Variants in SPRED1 observed in about 807,000 individuals in gnomAD.
SPRED1 encodes the protein sprouty-related, EVH1 domain-containing protein 1.
Under a neutral mutation model 52.3 loss-of-function variants are expected in SPRED1, and 18 were observed. The ratio of observed to expected loss-of-function variants is 0.34; its 90% CI spans 0.24 to 0.51. The LOEUF is 0.51. Among genes scored for constraint, SPRED1 ranks in the 20% least tolerant of loss-of-function variants. The probability of loss-of-function intolerance (pLI) is 0.97; values close to 1 mark genes in which losing one functional copy is unlikely to be tolerated. For missense variants in SPRED1, 485 were observed against 551.0 expected, an observed-to-expected ratio of 0.88 and a Z score of 1.20; for synonymous variants, 155 against 179.7, an observed-to-expected ratio of 0.86 and a Z score of 1.10.
At chr15:38,269,146 G>A (rs1402287408) in intron 1 of SPRED1, among the ~76,000 whole-genome samples, 2 of 152,144 alleles carry the variant, frequency 1.3e-5, no homozygotes, top group African/African-American at 4.8e-5. Context: ...TTCACCGTGT[G>A]TTAGCCAGGG....
chr15:38,258,891 A>T (rs769304360), intron 1 of SPRED1, among the ~76,000 whole-genome samples: 1 of 152,128 alleles, frequency 6.6e-6, no homozygotes, highest in Non-Finnish European at 1.5e-5. Flanking sequence ...TGAAATTGGG[A>T]GATGGATTTC....
chr15:38,315,540 C>T (rs1257749132), intron 2 of SPRED1, among the ~76,000 whole-genome samples: 2 of 151,876 alleles, frequency 1.3e-5, no homozygotes, highest in African/African-American at 4.8e-5. Flanking sequence ...AATAAGTCTT[C>T]AGAAGTTGTA....
At chr15:38,305,167 A>G (rs1246694910) in intron 2 of SPRED1, among the ~76,000 whole-genome samples, 1 of 151,528 alleles carries the variant, frequency 6.6e-6, no homozygotes, top group Non-Finnish European at 1.5e-5. Flanking sequence ...CACCTCTACT[A>G]AAAAAATACA....
chr15:38,310,696 T>G (rs1040267011), intron 2 of SPRED1, among the ~76,000 whole-genome samples: 9 of 152,240 alleles, frequency 5.9e-5, no homozygotes, highest in Non-Finnish European at 1.3e-4. Context: ...CTTATATGTT[T>G]TGTTAATTGT....
intron 1 of SPRED1, among the ~76,000 whole-genome samples, chr15:38,275,394 A>G (rs1401252824): frequency 6.6e-6 from 1 of 152,122 alleles, no homozygotes; most frequent in East Asian, 1.9e-4. Flanking sequence ...GAACCATCCC[A>G]TTACTTAAAG....
chr15:38,263,381 T>G (rs1406407281), intron 1 of SPRED1, among the ~76,000 whole-genome samples: 2 of 152,150 alleles, frequency 1.3e-5, no homozygotes, highest in Non-Finnish European at 2.9e-5. Context: ...AGAGTTATAG[T>G]GACATCTTCA....
chr15:38,255,057 T>G (rs1255284130), intron 1 of SPRED1, among the ~76,000 whole-genome samples: 1 of 152,202 alleles, frequency 6.6e-6, no homozygotes, highest in East Asian at 1.9e-4. Flanking sequence ...AAAAAGCAGA[T>G]GATGGAATGT....
chr15:38,351,185 G>C lies in SPRED1; in HGVS notation c.856G>C (p.Asp286His). Residue 286 changes from aspartate to histidine, a missense_variant, in exon 7 of 7, where the codon GAC becomes CAC. This residue lies in a region of SPRED1 where 205 missense variants were observed against 245.2 expected (regional missense o/e 0.84). Coordinates refer to ENST00000299084, the MANE Select transcript of SPRED1 (RefSeq NM_152594.3). Reference protein sequence around the residue: ...ADSSIQFSKPDSKKSDYLYSC... With the variant: ...ADSSIQFSKPHSKKSDYLYSC... The stretch of plus-strand genomic sequence containing the variant: ...TTCCAGTATTCAGTTTTCTAAACCA[G>C]ACAGTAAAAAATCAGACTATCTGTA... The C allele has an allele frequency of 1.2e-6, 2 of 1,614,090 alleles. No homozygotes were observed. The highest frequency in any genetic ancestry group is 1.7e-6 in the Non-Finnish European group (2 of 1,180,014).
chr15:38,299,195 G>A, intron 1 of SPRED1, 178 bp from the exon 2 acceptor site: 4 of 703,038 alleles, frequency 5.7e-6, no homozygotes, highest in East Asian at 5.1e-5. Context: ...CTTAAAGTCT[G>A]TTTTTGGTTT....
At chr15:38,260,180 G>C (rs549669019) in intron 1 of SPRED1, among the ~76,000 whole-genome samples, 1 of 152,312 alleles carries the variant, frequency 6.6e-6, no homozygotes, top group African/African-American at 2.4e-5. Context: ...AATTACTAAA[G>C]GTCCAAAATC....
intron 1 of SPRED1, among the ~76,000 whole-genome samples, chr15:38,260,810 A>G (rs2140948965): frequency 6.6e-6 from 1 of 152,320 alleles, no homozygotes; most frequent in East Asian, 1.9e-4. Flanking sequence ...AAAAGGCTAA[A>G]ATCTTCTGCA....
At chr15:38,348,323 A>T (rs180676352) in intron 5 of SPRED1, among the ~76,000 whole-genome samples, 1 of 152,014 alleles carries the variant, frequency 6.6e-6, no homozygotes. Flanking sequence ...CTAAATTCTT[A>T]CAGATTCTAC....
At chr15:38,264,136 A>G (rs927286172) in intron 1 of SPRED1, among the ~76,000 whole-genome samples, 3 of 152,244 alleles carry the variant, frequency 2.0e-5, no homozygotes, top group African/African-American at 7.2e-5. Flanking sequence ...ACTGGTTGTC[A>G]CACACTGTTA....
At chr15:38,278,734 A>G (rs1894614725) in intron 1 of SPRED1, among the ~76,000 whole-genome samples, 1 of 149,186 alleles carries the variant, frequency 6.7e-6, no homozygotes, top group East Asian at 2.0e-4. Flanking sequence ...ATGCTGTGTA[A>G]ATAGTTATAC....
chr15:38,299,695 AACAT>A, intron 2 of SPRED1, 148 bp downstream of exon 2: 2 of 806,312 alleles, frequency 2.5e-6, no homozygotes, highest in Non-Finnish European at 2.0e-6. Flanking sequence ...AGTGAAATAC[AACAT>A]TTTTTTTTCA....
chr15:38,262,285 G>T (rs539411798), intron 1 of SPRED1, among the ~76,000 whole-genome samples: 3 of 152,154 alleles, frequency 2.0e-5, no homozygotes, highest in Non-Finnish European at 4.4e-5. Flanking sequence ...CTTTAAAATC[G>T]CTATCACAGT....
rs1022143717 is a variant in SPRED1 at position 38,355,873 on chromosome 15, G to T, written c.*4209G>T. The T allele has an allele frequency of 1.3e-5, 2 of 151,846 alleles. No homozygotes were observed. The highest frequency in any genetic ancestry group is 4.8e-5 in the African/African-American group (2 of 41,322). 9.4% of individuals were successfully genotyped at this position (151,846 alleles called of 1,614,324 possible). On this transcript the variant is annotated 3_prime_UTR_variant, in exon 7 of 7. Transcript: ENST00000299084. The stretch of plus-strand genomic sequence containing the variant: ...TGTTTTGCAATGAGACAAACATGAA[G>T]AATGAATTTCTTTAAGAGAGAAACA...
intron 4 of SPRED1, among the ~76,000 whole-genome samples, chr15:38,336,380 A>ATGTGTGTGTGTGTGTG (rs35912838): frequency 2.4e-4 from 32 of 134,300 alleles, no homozygotes; most frequent in Middle Eastern, 7.5e-3. Context: ...GATAAAGAAA[A>ATGTGTGTGTGTGTGTG]TGTGTGTGTG....
chr15:38,273,146 TTA>T (rs752633071), intron 1 of SPRED1, among the ~76,000 whole-genome samples: 8 of 152,202 alleles, frequency 5.3e-5, no homozygotes, highest in Non-Finnish European at 1.2e-4. Context: ...TCTACGATTC[TTA>T]TAGTTTGTGG....
Sources: gnomAD v4.1 joint callset for allele counts (sites outside exome capture counted in the v4.1 genomes callset) on GRCh38, gnomAD v4.1.1 for gene constraint, gnomAD v4.1.1 regional missense constraint, MANE v1.5 for transcripts, NCBI Gene and HGNC (gene_info 2026-07-23, HGNC 2026-07-21) for gene names.